The following GRIN2D variants were observed in gnomAD, a reference collection of about 807,000 sequenced individuals.
GRIN2D encodes the protein glutamate receptor ionotropic, NMDA 2D.
In GRIN2D, 37 loss-of-function variants were observed where a neutral mutation model predicts 103.2. The ratio of observed to expected loss-of-function variants is 0.36; its 90% CI spans 0.28 to 0.47. GRIN2D has a LOEUF of 0.47. GRIN2D is among the 20% of genes least tolerant of loss of function. The pLI is 1.00. For synonymous variants in GRIN2D, 845 were observed against 885.6 expected (o/e 0.95, Z 0.81); for missense variants, 1,557 against 1,910.6 (o/e 0.81, Z 3.45).
rs1168778543 is a variant in GRIN2D at position 48,421,439 on chromosome 19, AGT to A, written c.2092-344_2092-343del. On this transcript the variant is annotated intron_variant, in intron 10 of 13. Transcript: ENST00000263269. This position sits in a 1 kb window ranked among gnomAD's most constrained non-coding sequence, Gnocchi z 4.8. The stretch of plus-strand genomic sequence containing the variant: ...GCAAGACTCCGTTTAAAAAAAAAAA[AGT>A]GAACTATTTCTGAACGGATTGGTAA... 6.6e-6 allele frequency among the ~76,000 whole-genome samples: 1 copy of A among 151,074 alleles called. No individual in the cohort carries two copies. The highest frequency in any genetic ancestry group is 6.6e-5 in the Admixed American group (1 of 15,152).
rs140278050 is a variant in GRIN2D, at chr19:48,417,024, C to T, written c.1735+869C>T. On this transcript the variant is annotated intron_variant, in intron 8 of 13. Transcript: ENST00000263269. The stretch of plus-strand genomic sequence containing the variant: ...CCTCCCAAAATGCTGGAATTACAGG[C>T]GTGAGCCACTGCACCCGGACAAGGG... Among the ~76,000 whole-genome samples, 513 of 152,212 alleles carry T rather than the reference C, an allele frequency of 3.4e-3. 2 individuals are homozygous for T. The highest frequency in any genetic ancestry group is 0.011 in the African/African-American group (443 of 41,540).
chr19:48,435,695 G>A (rs562952310), intron 11 of GRIN2D, among the ~76,000 whole-genome samples: 16 of 152,010 alleles, frequency 1.1e-4, no homozygotes, highest in African/African-American at 3.4e-4. Context: ...TCCGTGCCCC[G>A]GGCGGCCTCC....
intron 4 of GRIN2D, among the ~76,000 whole-genome samples, chr19:48,412,293 C>T (rs1970872155): frequency 6.6e-6 from 1 of 151,020 alleles, no homozygotes; most frequent in African/African-American, 2.4e-5. Flanking sequence ...CGCACCACTA[C>T]ACTCCAGCCT....
At chr19:48,428,412 G>A (rs962162647) in intron 11 of GRIN2D, among the ~76,000 whole-genome samples, 6 of 148,896 alleles carry the variant, frequency 4.0e-5, no homozygotes, top group Non-Finnish European at 5.9e-5. Flanking sequence ...CCCGGCTGGA[G>A]TGCAGTGGCA....
chr19:48,443,331 C>A lies in GRIN2D; in HGVS notation c.3405C>A (p.Ala1135=). The A allele has an allele frequency of 6.5e-7, 1 of 1,540,778 alleles. No homozygotes were observed. The highest frequency in any genetic ancestry group is 8.7e-7 in the Non-Finnish European group (1 of 1,153,786). Residue 1135 remains alanine, a synonymous_variant, in exon 14 of 14, where the codon GCC becomes GCA. Transcript: ENST00000263269. The surrounding 1 kb of genome is among the most constrained non-coding windows in gnomAD (Gnocchi z 8.9). ...SLGGLEPWWF[A]DFPYPYAERL... ...GCGGCCTGGAGCCCTGGTGGTTCGC[C>A]GACTTCCCTTACCCGTATGCCGAGC...
chr19:48,400,271 G>A (rs1970695456), intron 3 of GRIN2D, among the ~76,000 whole-genome samples: 1 of 152,234 alleles, frequency 6.6e-6, no homozygotes, highest in Admixed American at 6.5e-5. Flanking sequence ...CCTCTCCAGA[G>A]GTGGGGCCAG....
intron 11 of GRIN2D, among the ~76,000 whole-genome samples, chr19:48,440,672 T>C (rs1040928069): frequency 3.1e-5 from 4 of 127,682 alleles, no homozygotes; most frequent in African/African-American, 1.2e-4. Context: ...CTTGCATTAT[T>C]TTTTTCCCTC....
intron 2 of GRIN2D, among the ~76,000 whole-genome samples, chr19:48,395,644 G>A (rs1213707597): frequency 6.6e-6 from 1 of 151,934 alleles, no homozygotes; most frequent in Non-Finnish European, 1.5e-5. Flanking sequence ...GACACCCTAG[G>A]AATTTCTGGC....
At chr19:48,423,923 A>C (rs1971054048) in intron 11 of GRIN2D, among the ~76,000 whole-genome samples, 1 of 151,968 alleles carries the variant, frequency 6.6e-6, no homozygotes, top group Admixed American at 6.6e-5. Flanking sequence ...GGTTCAAGCA[A>C]TTCTCCCACC....
chr19:48,418,010 G>A lies in GRIN2D; in HGVS notation c.1736-1224G>A, dbSNP rs187784621. On this transcript the variant is annotated intron_variant, in intron 8 of 13. Transcript: ENST00000263269. ...TAGGAGACAAGGAAGAGAGGGTGTCGCTGATTCAGGCACCTGCGAGTTCTT... is the reference window on the plus strand; with the variant it reads ...TAGGAGACAAGGAAGAGAGGGTGTCACTGATTCAGGCACCTGCGAGTTCTT... 4.5e-3 allele frequency among the ~76,000 whole-genome samples: 688 copies of A among 151,538 alleles called. 11 individuals carry two copies. Among genetic ancestry groups the A allele is most frequent in the South Asian group, 0.034 (162 of 4,782 alleles).
chr19:48,396,405 G>A lies in GRIN2D; in HGVS notation c.-27+1469G>A, dbSNP rs867015865. Among the ~76,000 whole-genome samples, 41 of 152,064 alleles carry A rather than the reference G, an allele frequency of 2.7e-4. 1 individual carries two copies. Among genetic ancestry groups the A allele is most frequent in the Admixed American group, 6.5e-4 (10 of 15,278 alleles). ...CCTGGGCCTCAGTAGGGAGTGGGAC[G>A]CGGGGTCCCTAAGAGCAGAAGCCAG... is the stretch of plus-strand genomic sequence containing the variant. On this transcript the variant is annotated intron_variant, in intron 2 of 13. Transcript: ENST00000263269.
chr19:48,399,694 G>A (rs1366859867), intron 3 of GRIN2D, among the ~76,000 whole-genome samples: 3 of 152,210 alleles, frequency 2.0e-5, no homozygotes, highest in Non-Finnish European at 2.9e-5. Flanking sequence ...GGCCGGTAGA[G>A]CATAGGGTCT....
chr19:48,413,620 C>G (rs1395770717), intron 4 of GRIN2D, among the ~76,000 whole-genome samples: 2 of 146,798 alleles, frequency 1.4e-5, no homozygotes, highest in African/African-American at 5.1e-5. Context: ...CAAGATCATA[C>G]CACTGCACTC....
intron 11 of GRIN2D, among the ~76,000 whole-genome samples, chr19:48,432,853 C>T (rs1422187075): frequency 2.0e-5 from 3 of 149,660 alleles, no homozygotes; most frequent in Non-Finnish European, 3.0e-5. Flanking sequence ...TGCAGTGGCA[C>T]GATCTCTGCT....
rs1321086493 is a variant in GRIN2D, at chr19:48,442,744, G to A, written c.2818G>A (p.Val940Met). Residue 940 changes from valine (V) to methionine (M), a missense_variant, in exon 14 of 14, where the codon GTG becomes ATG. By Grantham distance (21) the Val-to-Met change is conservative (BLOSUM62 1). Around this residue, in one of 7 missense-constraint regions of GRIN2D, gnomAD observed 632 missense variants for 572.8 expected, o/e 1.10. Transcript: ENST00000263269. The surrounding 1 kb of genome is among the most constrained non-coding windows in gnomAD (Gnocchi z 7.2). Reference protein sequence around the residue: ...APFVPRERASVDRWRRTKGAG... With the variant: ...APFVPRERASMDRWRRTKGAG... ...TTTCGTGCCCCGCGAGCGCGCCTCA[G>A]TGGACCGCTGGCGCCGGACCAAGGG... The A allele has an allele frequency of 3.9e-5, 43 of 1,094,356 alleles. No individual in the cohort carries two copies. Among genetic ancestry groups the A allele is most frequent in the Non-Finnish European group, 4.7e-5 (42 of 900,214 alleles). 67.8% of individuals were successfully genotyped at this position (1,094,356 alleles called of 1,614,324 possible). A position where few individuals can be genotyped will look rare whatever the true frequency, so the allele number is the denominator to read the frequency against.
chr19:48,417,389 C>A (rs2147453810), intron 8 of GRIN2D, among the ~76,000 whole-genome samples: 1 of 152,218 alleles, frequency 6.6e-6, no homozygotes, highest in South Asian at 2.1e-4. Context: ...AGCTGCCCAC[C>A]AGATGGGCTG....
At position 48,421,677 on chromosome 19, in the gene GRIN2D, T is replaced by A. The variant is rs1449215936; in HGVS notation, c.2092-108T>A. The A allele has an allele frequency of 3.5e-6, 3 of 866,272 alleles. No homozygotes were observed. Among genetic ancestry groups the A allele is most frequent in the African/African-American group, 3.4e-5 (2 of 59,334 alleles). 53.7% of individuals were successfully genotyped at this position (866,272 alleles called of 1,614,324 possible). ...GCGAGTGTTGAGAAATATTGAACAC[T>A]CCTGGGACTGGGGTGTCTGCCAGAT... On this transcript the variant is annotated intron_variant, in intron 10 of 13. Coordinates refer to ENST00000263269, the MANE Select transcript of GRIN2D (RefSeq NM_000836.4). This position sits in a 1 kb window ranked among gnomAD's most constrained non-coding sequence, Gnocchi z 4.8.
Position 48,414,492 on chromosome 19 carries a change from G to A in GRIN2D, c.1320G>A (p.Arg440=), listed in dbSNP as rs1290190887. ...TCACGGTGGCCACGCTGGAGGAAAGGCCGTTTGTCATCGTGGAGCCTGCAG... is the reference window on the plus strand; with the variant it reads ...TCACGGTGGCCACGCTGGAGGAAAGACCGTTTGTCATCGTGGAGCCTGCAG... ...QHLTVATLEE[R]PFVIVEPADP... Residue 440 remains arginine, a synonymous_variant, in exon 6 of 14, where the codon AGG becomes AGA. Transcript: ENST00000263269. This position sits in a 1 kb window ranked among gnomAD's most constrained non-coding sequence, Gnocchi z 4.6. 2 of 1,590,194 alleles carry A rather than the reference G, an allele frequency of 1.3e-6. No individual in the cohort carries two copies. Among genetic ancestry groups the A allele is most frequent in the Non-Finnish European group, 1.7e-6 (2 of 1,168,404 alleles).
chr19:48,416,154 C>G lies in GRIN2D; in HGVS notation c.1734C>G (p.Leu578=). 1 of 1,613,336 alleles carries G rather than the reference C, an allele frequency of 6.2e-7. No individual in the cohort carries two copies. The highest frequency in any genetic ancestry group is 8.5e-7 in the Non-Finnish European group (1 of 1,179,758). ...GCACGGTGTCCCCCTCGGCCTTCCT[C>G]GGTAATCTGGGGCCCTGGGACAGGG... ...SNGTVSPSAF[L]EPYSPAVWVM... The change falls in exon 8 of 14, where the codon CTC becomes CTG. Residue 578 remains leucine (L), a splice_region_variant and synonymous_variant. Transcript: ENST00000263269.
Sources: gnomAD v4.1 joint callset for allele counts (sites outside exome capture counted in the v4.1 genomes callset) on GRCh38, gnomAD v4.1.1 for gene constraint, gnomAD v4.1.1 regional missense constraint, Gnocchi (gnomAD v3.1) non-coding constraint, MANE v1.5 for transcripts, NCBI Gene and HGNC (gene_info 2026-07-23, HGNC 2026-07-21) for gene names.